GCLC: variants seen among roughly 807,000 people sequenced by gnomAD.
GCLC encodes glutamate--cysteine ligase catalytic subunit.
In GCLC, 30 loss-of-function variants were observed where a neutral mutation model predicts 81.5. The ratio of observed to expected loss-of-function variants is 0.37; its 90% CI spans 0.28 to 0.50. GCLC has a LOEUF of 0.50. Among genes scored for constraint, GCLC ranks in the 20% least tolerant of loss-of-function variants. The pLI, the probability that GCLC is intolerant of heterozygous loss-of-function variation, is 0.96. For missense variants in GCLC, 556 were observed against 777.4 expected (o/e 0.72, Z 3.39); for synonymous variants, 262 against 273.3 (o/e 0.96, Z 0.41).
At chr6:53,540,411 C>G (rs1763333023) in intron 1 of GCLC, among the ~76,000 whole-genome samples, 1 of 151,182 alleles carries the variant, frequency 6.6e-6, no homozygotes, top group Non-Finnish European at 1.5e-5. Context: ...ACATCGGTCA[C>G]AGAAGGACAA....
chr6:53,520,935 A>C lies in GCLC; in HGVS notation c.289T>G (p.Tyr97Asp). The change falls in exon 3 of 16, where the codon TAT becomes GAT. Residue 97 changes from tyrosine to aspartate, a missense_variant. By Grantham distance (160) the Tyr-to-Asp change is radical. Around this residue, in one of 3 missense-constraint regions of GCLC, gnomAD observed 234 missense variants for 303.8 expected, o/e 0.77. Transcript: ENST00000650454. ...GTCCCTTCAATCATGTAACTCCCAT[A>C]CTCTGGTCTCCAAAGGGTAGGATGG... Reference protein sequence around the residue: ...PNHPTLWRPEYGSYMIEGTPG... With the variant: ...PNHPTLWRPEDGSYMIEGTPG... 1 of 1,613,556 alleles carries C rather than the reference A, an allele frequency of 6.2e-7. No individual in the cohort carries two copies. Among genetic ancestry groups the C allele is most frequent in the Non-Finnish European group, 8.5e-7 (1 of 1,179,610 alleles).
At chr6:53,544,467 C>T (rs764185730) in intron 1 of GCLC, 29 bp downstream of exon 1, 1 of 1,602,040 alleles carries the variant, frequency 6.2e-7, no homozygotes, top group Non-Finnish European at 8.5e-7. Context: ...CACGGGTGCC[C>T]GGCGGGGACG....
At chr6:53,544,331 A>G (rs957894334) in intron 1 of GCLC, among the ~76,000 whole-genome samples, 165 bp downstream of exon 1, 3 of 152,198 alleles carry the variant, frequency 2.0e-5, no homozygotes, top group Admixed American at 6.5e-5. Context: ...GACGCGGACT[A>G]GGCGAAAGCA....
intron 1 of GCLC, among the ~76,000 whole-genome samples, chr6:53,534,444 CAG>C (rs141802103): frequency 0.015 from 2,232 of 147,440 alleles, 46 homozygotes; most frequent in African/African-American, 0.053. Flanking sequence ...GATGGAGTAA[CAG>C]GGGCTAAATT....
At chr6:53,500,787 G>A (rs1764495962) in intron 12 of GCLC, 1 of 486,118 alleles carries the variant, frequency 2.1e-6, no homozygotes, top group South Asian at 2.1e-5. Context: ...GCATTTCAAA[G>A]CACCTCTGTG....
intron 1 of GCLC, among the ~76,000 whole-genome samples, chr6:53,526,220 A>G (rs949721824): frequency 2.6e-5 from 4 of 152,222 alleles, no homozygotes; most frequent in African/African-American, 9.6e-5. Context: ...CAAGTCATTT[A>G]ATGCAGGTTT....
At chr6:53,504,393 G>C (rs1764573814) in intron 12 of GCLC, among the ~76,000 whole-genome samples, 1 of 152,114 alleles carries the variant, frequency 6.6e-6, no homozygotes. Flanking sequence ...GTATGCCCTT[G>C]CAAGACCAGT....
At chr6:53,525,138 G>T (rs564276039) in intron 1 of GCLC, among the ~76,000 whole-genome samples, 1 of 152,230 alleles carries the variant, frequency 6.6e-6, no homozygotes, top group Non-Finnish European at 1.5e-5. Flanking sequence ...ATTTCCTGAC[G>T]GTTTTTCAAA....
intron 6 of GCLC, chr6:53,513,571 T>G (rs648595): frequency 0.54 from 82,335 of 152,108 alleles, 22,870 homozygotes; most frequent in African/African-American, 0.64. Context: ...CTGCAGGCTT[T>G]TGTGTGGCCA....
At chr6:53,509,045 T>C in intron 7 of GCLC, 131 bp downstream of exon 7, 3 of 691,358 alleles carry the variant, frequency 4.3e-6, no homozygotes, top group Middle Eastern at 3.8e-4. Flanking sequence ...TAAACCTACA[T>C]ACTATTTATA....
At chr6:53,514,153 A>G in intron 6 of GCLC, 51 bp downstream of exon 6, 1 of 1,594,092 alleles carries the variant, frequency 6.3e-7, no homozygotes, top group Non-Finnish European at 8.6e-7. Context: ...AAGAAGTTAA[A>G]AAACAGAAAT....
chr6:53,518,995 G>T (rs12528690), intron 3 of GCLC, among the ~76,000 whole-genome samples: 2,182 of 152,096 alleles, frequency 0.014, 25 homozygotes, highest in Middle Eastern at 0.085. Flanking sequence ...CAGCACCCAC[G>T]GGCATCCAGG....
chr6:53,520,292 C>T (rs763343466), intron 3 of GCLC, among the ~76,000 whole-genome samples: 3 of 152,310 alleles, frequency 2.0e-5, no homozygotes, highest in East Asian at 3.9e-4. Flanking sequence ...GCATCGGTAT[C>T]GATAGTGCTT....
At chr6:53,507,391 C>T in intron 9 of GCLC, 89 bp downstream of exon 9, 1 of 1,280,084 alleles carries the variant, frequency 7.8e-7, no homozygotes, top group South Asian at 1.2e-5. Flanking sequence ...AAAATAGAAA[C>T]CAGACCAGGA....
intron 2 of GCLC, among the ~76,000 whole-genome samples, chr6:53,521,655 G>C (rs988058990): frequency 6.6e-6 from 1 of 151,990 alleles, no homozygotes; most frequent in Non-Finnish European, 1.5e-5. Context: ...CCCCGTCTCT[G>C]TCTACTTAAA....
At chr6:53,543,318 G>A (rs942630033) in intron 1 of GCLC, among the ~76,000 whole-genome samples, 8 of 152,136 alleles carry the variant, frequency 5.3e-5, no homozygotes, top group Non-Finnish European at 1.0e-4. Context: ...AACACATGCT[G>A]TGCTTTTTCT....
At chr6:53,537,027 C>T (rs972737578) in intron 1 of GCLC, among the ~76,000 whole-genome samples, 2 of 152,234 alleles carry the variant, frequency 1.3e-5, no homozygotes, top group African/African-American at 4.8e-5. Context: ...ATTTACAACA[C>T]TAAACTGCAC....
At chr6:53,526,813 A>C (rs1370972438) in intron 1 of GCLC, among the ~76,000 whole-genome samples, 3 of 152,060 alleles carry the variant, frequency 2.0e-5, no homozygotes, top group Admixed American at 2.0e-4. Flanking sequence ...AAAAAAAAAA[A>C]AAAACAATTT....
chr6:53,505,149 G>A, intron 12 of GCLC: 1 of 466,884 alleles, frequency 2.1e-6, no homozygotes, highest in Non-Finnish European at 3.9e-6. Flanking sequence ...ATCAACCTGG[G>A]ATTTTGTGGT....
Sources: gnomAD v4.1 joint callset for allele counts (sites outside exome capture counted in the v4.1 genomes callset) on GRCh38, gnomAD v4.1.1 for gene constraint, gnomAD v4.1.1 regional missense constraint, MANE v1.5 for transcripts, NCBI Gene and HGNC (gene_info 2026-07-23, HGNC 2026-07-21) for gene names.